ZMYM2: variants seen among roughly 807,000 people sequenced by gnomAD.
The protein encoded by ZMYM2 is zinc finger MYM-type protein 2.
A neutral mutation model predicts 162.8 loss-of-function variants in ZMYM2; 56 were observed. That is an observed-to-expected ratio of 0.34 (90% CI 0.28 to 0.43). The LOEUF (loss-of-function observed/expected upper bound fraction) is 0.43, where lower values mean the gene tolerates loss of function less well. Ranked by LOEUF, ZMYM2 falls within the 20% of genes least tolerant of loss-of-function variation. The pLI, the probability that ZMYM2 is intolerant of heterozygous loss-of-function variation, is 1.00. For missense variants in ZMYM2, 1,275 were observed against 1,621.8 expected (o/e 0.79, Z 3.67); for synonymous variants, 510 against 541.6 (o/e 0.94, Z 0.81).
intron 13 of ZMYM2, among the ~76,000 whole-genome samples, chr13:20,052,035 A>G (rs981326389): frequency 6.6e-5 from 10 of 152,138 alleles, no homozygotes; most frequent in African/African-American, 2.4e-4. Flanking sequence ...AAGAATATAT[A>G]ATAGTATTTC....
chr13:20,013,789 A>T (rs1311787345), intron 6 of ZMYM2, among the ~76,000 whole-genome samples: 1 of 152,130 alleles, frequency 6.6e-6, no homozygotes, highest in Non-Finnish European at 1.5e-5. Flanking sequence ...CTACTTGATT[A>T]TGGTGTATAA....
chr13:20,007,303 T>C (rs1287764027), intron 6 of ZMYM2, among the ~76,000 whole-genome samples: 2 of 151,898 alleles, frequency 1.3e-5, no homozygotes, highest in Non-Finnish European at 2.9e-5. Flanking sequence ...ACCCGGCTAA[T>C]TTTTTGTATT....
intron 2 of ZMYM2, among the ~76,000 whole-genome samples, chr13:19,975,176 TAAA>T (rs11291950): frequency 1.5e-4 from 22 of 142,324 alleles, no homozygotes; most frequent in Admixed American, 1.4e-4. Context: ...CTTCTTTTCT[TAAA>T]AAAAAAAAAA....
intron 11 of ZMYM2, among the ~76,000 whole-genome samples, chr13:20,036,134 TC>T (rs1209662957): frequency 6.6e-6 from 1 of 152,180 alleles, no homozygotes; most frequent in Non-Finnish European, 1.5e-5. Context: ...TATTATGTGA[TC>T]CTCGTAGAGG....
In ZMYM2 at chr13:20,086,013, A is replaced by G; in HGVS notation, c.4133A>G (p.Ter1378=). The part of the protein sequence containing the change: ...DNYELDEDTD[*] The stretch of plus-strand genomic sequence containing the variant: ...TATGAACTGGATGAAGACACAGACT[A>G]AAAAGGAACGTTGCAGAAGCAATCG... Residue 1378 remains the stop codon, a stop_retained_variant, in exon 25 of 25, where the codon TAA becomes TGA. Transcript: ENST00000610343. 2 of 1,612,672 alleles carry G rather than the reference A, an allele frequency of 1.2e-6. No homozygotes were observed. Among genetic ancestry groups the G allele is most frequent in the Admixed American group, 1.7e-5 (1 of 59,920 alleles).
intron 21 of ZMYM2, among the ~76,000 whole-genome samples, chr13:20,074,634 G>T (rs1244662454): frequency 6.6e-6 from 1 of 151,702 alleles, no homozygotes; most frequent in Non-Finnish European, 1.5e-5. Flanking sequence ...CGCCTCCTGG[G>T]TTCACGCCAT....
At chr13:19,937,545 C>A in the ZMYM2 span, among the ~76,000 whole-genome samples, 5 of 149,838 alleles carry the variant, frequency 3.3e-5, no homozygotes, top group Non-Finnish European at 7.4e-5. Context: ...CTCACTGCAA[C>A]CTCCACCTCC....
At chr13:19,958,143 G>C (rs1187967929), upstream of ZMYM2, among the ~76,000 whole-genome samples, 1 of 152,226 alleles carries the variant, frequency 6.6e-6, no homozygotes, top group Admixed American at 6.5e-5. Context: ...CCCCCAGCGC[G>C]GTCGGGATTC....
intron 16 of ZMYM2, among the ~76,000 whole-genome samples, chr13:20,060,329 G>A (rs982826170): frequency 6.6e-6 from 1 of 152,160 alleles, no homozygotes; most frequent in East Asian, 1.9e-4. Context: ...GACATTTCGC[G>A]GATGTCTGTG....
chr13:20,050,892 C>T (rs1955262320), intron 12 of ZMYM2, among the ~76,000 whole-genome samples: 1 of 151,924 alleles, frequency 6.6e-6, no homozygotes, highest in African/African-American at 2.4e-5. Flanking sequence ...TGTTTTAGAA[C>T]ATAAAGTTGT....
chr13:19,989,230 A>T (rs1257481192), intron 2 of ZMYM2, among the ~76,000 whole-genome samples: 1 of 152,090 alleles, frequency 6.6e-6, no homozygotes, highest in African/African-American at 2.4e-5. Flanking sequence ...TTAATTTTTA[A>T]TTTTTGTGGG....
chr13:20,026,767 GT>G lies in ZMYM2; in HGVS notation c.1735+8del, dbSNP rs777558654. 3 of 1,587,696 alleles carry G rather than the reference GT, an allele frequency of 1.9e-6. No homozygotes were observed. The African/African-American group carries it at 4.1e-5, about 22-fold the overall frequency. ...CAAAATATGCAAAATCACAAAGTAA[GT>G]TTCACATATTTGGACAGTTAAAAAA... On this transcript the variant is annotated splice_donor_region_variant and intron_variant, in intron 8 of 24. Transcript: ENST00000610343.
At chr13:20,017,115 C>T (rs1951694825) in intron 6 of ZMYM2, among the ~76,000 whole-genome samples, 1 of 152,166 alleles carries the variant, frequency 6.6e-6, no homozygotes, top group East Asian at 1.9e-4. Flanking sequence ...TGGGTCAGAC[C>T]ACCTCAGTTA....
intron 2 of ZMYM2, among the ~76,000 whole-genome samples, chr13:19,977,809 A>G (rs550622303): frequency 6.7e-6 from 1 of 149,148 alleles, no homozygotes; most frequent in Non-Finnish European, 1.5e-5. Context: ...CATTTCTTCT[A>G]TTATTGCTTT....
chr13:19,885,891 GTGTATACACATATATA>G, the ZMYM2 span, among the ~76,000 whole-genome samples: 5 of 99,626 alleles, frequency 5.0e-5, no homozygotes, highest in African/African-American at 2.1e-4. Context: ...ACATATATAT[GTGTATACACATATATA>G]TGTATATACA....
chr13:20,015,062 T>G (rs539225902), intron 6 of ZMYM2, among the ~76,000 whole-genome samples: 19 of 152,238 alleles, frequency 1.2e-4, no homozygotes, highest in East Asian at 7.7e-4. Flanking sequence ...TGCCTGGACT[T>G]ACTTTCTTTC....
intron 21 of ZMYM2, among the ~76,000 whole-genome samples, chr13:20,068,881 G>T (rs753748254): frequency 1.3e-4 from 20 of 152,070 alleles, no homozygotes; most frequent in Non-Finnish European, 2.8e-4. Context: ...ACTTTTGGGG[G>T]CTGTGTTTTG....
chr13:19,877,128 C>T, the ZMYM2 span, among the ~76,000 whole-genome samples: 2 of 148,626 alleles, frequency 1.3e-5, no homozygotes, highest in African/African-American at 5.0e-5. Context: ...AGGAGAATGG[C>T]GTGAACCCGG....
chr13:19,910,619 G>T, the ZMYM2 span, among the ~76,000 whole-genome samples: 1 of 149,726 alleles, frequency 6.7e-6, no homozygotes, highest in South Asian at 2.1e-4. Flanking sequence ...TCCTCCTCCC[G>T]GGCGTGAACC....
Sources: gnomAD v4.1 joint callset for allele counts (sites outside exome capture counted in the v4.1 genomes callset) on GRCh38, gnomAD v4.1.1 for gene constraint, MANE v1.5 for transcripts, NCBI Gene and HGNC (gene_info 2026-07-23, HGNC 2026-07-21) for gene names.